Variants in ADAT1 observed in about 807,000 individuals in gnomAD.
ADAT1 encodes adenosine deaminase tRNA specific 1, also known as tRNA-specific adenosine deaminase 1.
A neutral mutation model predicts 58.6 loss-of-function variants in ADAT1; 58 were observed. The ratio of observed to expected loss-of-function variants is 0.99; its 90% CI spans 0.80 to 1.23. The LOEUF (loss-of-function observed/expected upper bound fraction) is 1.23. Ranked by LOEUF, ADAT1 falls within the 50% of genes most tolerant of loss-of-function variation. The pLI is 0.00. For missense variants in ADAT1, 741 were observed against 608.6 expected (o/e 1.22, Z -2.29); for synonymous variants, 254 against 220.8 (o/e 1.15, Z -1.33).
Position 75,599,190 on chromosome 16 carries a change from T to G in ADAT1, c.*1026A>C, listed in dbSNP as rs1204642821. 1 of 910,936 alleles carries G rather than the reference T, an allele frequency of 1.1e-6. No homozygotes were observed. 56.4% of individuals were successfully genotyped at this position (910,936 alleles called of 1,614,324 possible). A position where few individuals can be genotyped will look rare whatever the true frequency, so the allele number is the denominator to read the frequency against. ...TCCGCCTCCTGGGTTCAAGCAATTC[T>G]CCTGCCTCAGCCTCCCGAGTAGCTA... On this transcript the variant is annotated 3_prime_UTR_variant, in exon 10 of 10. Transcript: ENST00000564657.
chr16:75,602,982 G>T, intron 9 of ADAT1, 103 bp downstream of exon 9: 1 of 988,398 alleles, frequency 1.0e-6, no homozygotes, highest in Non-Finnish European at 1.6e-6. Flanking sequence ...AGTGCCACTG[G>T]CTTGCTGAAC....
Position 75,607,689 on chromosome 16 carries a change from A to C in ADAT1, c.1289+535T>G, listed in dbSNP as rs145303849. On this transcript the variant is annotated intron_variant, in intron 8 of 9. Transcript: ENST00000564657. Reference sequence around the variant, plus strand: ...TAGCAGTTCCTCAAAAAAGTTAAACATAACAATTACCATATGACCCAGTAA... The same window carrying C: ...TAGCAGTTCCTCAAAAAAGTTAAACCTAACAATTACCATATGACCCAGTAA... Among the ~76,000 whole-genome samples, 384 of 152,310 alleles carry C rather than the reference A, an allele frequency of 2.5e-3. 2 individuals are homozygous for C. Among genetic ancestry groups the C allele is most frequent in the African/African-American group, 8.9e-3 (369 of 41,578 alleles).
rs1261900428 is a variant in ADAT1, at chr16:75,609,084, G to A, written c.1044-96C>T. ...ACATCATCACCCCTGAGCCTTAGCAGGTGTGGGGATTTGTTTATTTATTTG... is the reference window on the plus strand; with the variant it reads ...ACATCATCACCCCTGAGCCTTAGCAAGTGTGGGGATTTGTTTATTTATTTG... On this transcript the variant is annotated intron_variant, in intron 6 of 9. Transcript: ENST00000564657. 5 of 1,419,516 alleles carry A rather than the reference G, an allele frequency of 3.5e-6. No homozygotes were observed. The African/African-American group carries it at 4.3e-5, about 12-fold the overall frequency. The allele number at this position is 1,419,516 out of a possible 1,614,324, so 87.9% of individuals were successfully genotyped here.
Position 75,597,508 on chromosome 16 carries a change from T to C in ADAT1, c.*2708A>G. On this transcript the variant is annotated 3_prime_UTR_variant, in exon 10 of 10. Transcript: ENST00000564657. ...CACCAGGGACTGGTTTCATGGAAGA[T>C]AATTTTTCCACAGATCCGGGGTGGG... 1 of 365,932 alleles carries C rather than the reference T, an allele frequency of 2.7e-6. No individual in the cohort carries two copies. The highest frequency in any genetic ancestry group is 5.5e-6 in the Non-Finnish European group (1 of 180,724). 22.7% of individuals were successfully genotyped at this position (365,932 alleles called of 1,614,324 possible). A position where few individuals can be genotyped will look rare whatever the true frequency, so the allele number is the denominator to read the frequency against.
At chr16:75,615,977 T>C (rs1314049245) in intron 5 of ADAT1, among the ~76,000 whole-genome samples, 1 of 152,004 alleles carries the variant, frequency 6.6e-6, no homozygotes. Flanking sequence ...TAAAACTCTT[T>C]TCTCATACTC....
chr16:75,602,560 G>T (rs2081260778), intron 9 of ADAT1, among the ~76,000 whole-genome samples: 1 of 152,152 alleles, frequency 6.6e-6, no homozygotes, highest in African/African-American at 2.4e-5. Context: ...TGTGGTAGTT[G>T]TTTGAAATGA....
At chr16:75,617,541 G>C (rs2081773446) in intron 4 of ADAT1, among the ~76,000 whole-genome samples, 1 of 152,090 alleles carries the variant, frequency 6.6e-6, no homozygotes, top group Non-Finnish European at 1.5e-5. Flanking sequence ...GACTGAGGCA[G>C]GAAGACTGCT....
At chr16:75,609,115 A>G in intron 6 of ADAT1, 127 bp from the exon 7 acceptor site, 1 of 1,118,138 alleles carries the variant, frequency 8.9e-7, no homozygotes, top group East Asian at 2.5e-5. Context: ...ATTTGGGCAG[A>G]CAGTGTTTCA....
intron 5 of ADAT1, among the ~76,000 whole-genome samples, chr16:75,613,178 C>T (rs1162372000): frequency 6.6e-6 from 1 of 152,068 alleles, no homozygotes; most frequent in Admixed American, 6.5e-5. Flanking sequence ...TATCCTGGAC[C>T]CAGTGAGTTG....
At chr16:75,602,421 G>C (rs2081256107) in intron 9 of ADAT1, among the ~76,000 whole-genome samples, 2 of 152,162 alleles carry the variant, frequency 1.3e-5, no homozygotes, top group African/African-American at 4.8e-5. Flanking sequence ...AAACTTTAAT[G>C]GCAACTATAG....
intron 4 of ADAT1, 126 bp from the exon 5 acceptor site, chr16:75,617,398 G>C (rs528644892): frequency 9.5e-7 from 1 of 1,051,610 alleles, no homozygotes; most frequent in Non-Finnish European, 1.4e-6. Context: ...GGGGAATTAT[G>C]AGAATGCTCT....
chr16:75,619,238 C>T lies in ADAT1; in HGVS notation c.239-598G>A, dbSNP rs956879210. 5.9e-5 allele frequency among the ~76,000 whole-genome samples: 9 copies of T among 152,168 alleles called. No individual in the cohort carries two copies. The South Asian group carries it at 6.2e-4, about 11-fold the overall frequency. On this transcript the variant is annotated intron_variant, in intron 3 of 9. Transcript: ENST00000564657. ...TAGAAGAGGTAAAGACCCCAGATCT[C>T]GGCCAGGGACGCAATAGCTCATGCC...
Position 75,608,982 on chromosome 16 carries a change from C to G in ADAT1, c.1050G>C (p.Gln350His). The change falls in exon 7 of 10, where the codon CAG becomes CAC. Residue 350 changes from glutamine (Q) to histidine (H), a missense_variant. Coordinates refer to ENST00000564657, the MANE Select transcript of ADAT1 (RefSeq NM_001324445.2). ...AGCCTTTTGGTAAAGCAGACACATTCTGACACCTAAATACAAGGGAAAATG... is the reference window on the plus strand; with the variant it reads ...AGCCTTTTGGTAAAGCAGACACATTGTGACACCTAAATACAAGGGAAAATG... ...AMQRALIGRC[Q>H]NVSALPKGFG... 2 of 1,614,194 alleles carry G rather than the reference C, an allele frequency of 1.2e-6. No homozygotes were observed. The highest frequency in any genetic ancestry group is 1.7e-6 in the Non-Finnish European group (2 of 1,180,022).
chr16:75,617,404 G>T, intron 4 of ADAT1, 132 bp from the exon 5 acceptor site: 3 of 948,252 alleles, frequency 3.2e-6, no homozygotes, highest in East Asian at 2.6e-5. Flanking sequence ...TTATGAGAAT[G>T]CTCTAGACCA....
At chr16:75,601,338 T>C (rs2081224646) in intron 9 of ADAT1, among the ~76,000 whole-genome samples, 1 of 150,244 alleles carries the variant, frequency 6.7e-6, no homozygotes, top group Admixed American at 6.6e-5. Context: ...CAAGACACTG[T>C]CTCAAAAAAA....
At chr16:75,620,401 C>G in intron 2 of ADAT1, 67 bp from the exon 3 acceptor site, 1 of 1,541,738 alleles carries the variant, frequency 6.5e-7, no homozygotes, top group East Asian at 2.2e-5. Context: ...CAGGTGTGAT[C>G]AGCCTGCACA....
chr16:75,599,530 C>A lies in ADAT1; in HGVS notation c.*686G>T. ...GATCTTTGATTCTCTTGGCTGTTTC[C>A]TTTGTTGCCTTCATTCTTTGCTGGC... is the stretch of plus-strand genomic sequence containing the variant. On this transcript the variant is annotated 3_prime_UTR_variant, in exon 10 of 10. Coordinates refer to ENST00000564657, the MANE Select transcript of ADAT1 (RefSeq NM_001324445.2). 1.0e-6 allele frequency: 1 copy of A among 985,856 alleles called. No individual in the cohort carries two copies. Among genetic ancestry groups the A allele is most frequent in the East Asian group, 1.1e-4 (1 of 8,826 alleles). 61.1% of individuals were successfully genotyped at this position (985,856 alleles called of 1,614,324 possible). A position where few individuals can be genotyped will look rare whatever the true frequency, so the allele number is the denominator to read the frequency against.
intron 8 of ADAT1, among the ~76,000 whole-genome samples, chr16:75,603,542 T>C (rs2081281710): frequency 6.6e-6 from 1 of 152,168 alleles, no homozygotes; most frequent in Non-Finnish European, 1.5e-5. Flanking sequence ...GAGATCTGAG[T>C]GCTGTTCCCT....
At chr16:75,608,741 G>T in intron 7 of ADAT1, 102 bp downstream of exon 7, 1 of 1,424,042 alleles carries the variant, frequency 7.0e-7, no homozygotes, top group Non-Finnish European at 9.5e-7. Context: ...GGCCACTAGA[G>T]TGGTGAACTA....
Sources: gnomAD v4.1 joint callset for allele counts (sites outside exome capture counted in the v4.1 genomes callset) on GRCh38, gnomAD v4.1.1 for gene constraint, MANE v1.5 for transcripts, NCBI Gene and HGNC (gene_info 2026-07-23, HGNC 2026-07-21) for gene names.